The following SYT1 variants were observed in gnomAD, a reference collection of about 807,000 sequenced individuals.
SYT1 encodes the protein synaptotagmin-1.
SYT1 carries 8 observed loss-of-function variants against 44.8 expected under a neutral mutation model. The observed-to-expected ratio is 0.18, with a 90% confidence interval of 0.10 to 0.32. SYT1 has a LOEUF of 0.32. Among genes scored for constraint, SYT1 ranks in the 10% least tolerant of loss-of-function variants. The pLI is 1.00. For missense variants in SYT1, 286 were observed against 509.3 expected, an observed-to-expected ratio of 0.56 and a Z score of 4.22; for synonymous variants, 154 against 188.8, an observed-to-expected ratio of 0.82 and a Z score of 1.51.
At chr12:79,110,747 G>A (rs1750457578) in intron 3 of SYT1, among the ~76,000 whole-genome samples, 1 of 152,204 alleles carries the variant, frequency 6.6e-6, no homozygotes, top group Non-Finnish European at 1.5e-5. Flanking sequence ...AGCATAAATA[G>A]AAGTGCATGG....
At chr12:79,123,253 C>T (rs1441301107) in intron 3 of SYT1, among the ~76,000 whole-genome samples, 1 of 151,318 alleles carries the variant, frequency 6.6e-6, no homozygotes, top group Non-Finnish European at 1.5e-5. Context: ...ATTACAATTC[C>T]TATCAATGGG....
chr12:78,926,911 T>A (rs1170040449), intron 1 of SYT1, among the ~76,000 whole-genome samples: 1 of 152,150 alleles, frequency 6.6e-6, no homozygotes, highest in Non-Finnish European at 1.5e-5. Flanking sequence ...ATATTTTGAA[T>A]TGAAGGGAAA....
chr12:79,303,589 A>G (rs1346968733), intron 8 of SYT1, among the ~76,000 whole-genome samples: 1 of 152,152 alleles, frequency 6.6e-6, no homozygotes, highest in Non-Finnish European at 1.5e-5. Flanking sequence ...TGATTGCAGA[A>G]TTAAAACAAG....
At chr12:78,976,428 AC>A (rs1868839577) in intron 1 of SYT1, among the ~76,000 whole-genome samples, 1 of 152,204 alleles carries the variant, frequency 6.6e-6, no homozygotes, top group African/African-American at 2.4e-5. Flanking sequence ...CTAAGGACTT[AC>A]GTTTTCCCAA....
chr12:78,899,225 A>G (rs1875526398), intron 1 of SYT1, among the ~76,000 whole-genome samples: 1 of 152,014 alleles, frequency 6.6e-6, no homozygotes, highest in African/African-American at 2.4e-5. Flanking sequence ...ATCATTATGA[A>G]TGTTTTTAGT....
chr12:78,985,904 C>T (rs1373343898), intron 2 of SYT1, among the ~76,000 whole-genome samples: 1 of 151,770 alleles, frequency 6.6e-6, no homozygotes, highest in Non-Finnish European at 1.5e-5. Context: ...TTTTATTTAC[C>T]AACAACTTTG....
intron 4 of SYT1, among the ~76,000 whole-genome samples, chr12:79,262,144 G>A (rs1035115369): frequency 1.3e-5 from 2 of 152,172 alleles, no homozygotes; most frequent in African/African-American, 4.8e-5. Context: ...ATTTGTGATT[G>A]TTGTATATTG....
chr12:79,248,129 T>A (rs73150262), intron 4 of SYT1, among the ~76,000 whole-genome samples: 11,394 of 152,288 alleles, frequency 0.075, 577 homozygotes, highest in Non-Finnish European at 0.11. Context: ...GTAGGTGAAC[T>A]AATCACATAA....
chr12:79,381,150 C>T (rs919593348), intron 9 of SYT1, among the ~76,000 whole-genome samples: 1 of 152,190 alleles, frequency 6.6e-6, no homozygotes, highest in Non-Finnish European at 1.5e-5. Context: ...GAAACATTGG[C>T]AACGAATGGC....
chr12:78,957,016 T>C (rs1184748716), intron 1 of SYT1, among the ~76,000 whole-genome samples: 4 of 152,170 alleles, frequency 2.6e-5, no homozygotes, highest in Non-Finnish European at 4.4e-5. Context: ...ACTAAGGAGA[T>C]AAGGTCAGAA....
chr12:79,389,815 C>T (rs1884579553), intron 9 of SYT1, among the ~76,000 whole-genome samples: 1 of 152,126 alleles, frequency 6.6e-6, no homozygotes, highest in South Asian at 2.1e-4. Flanking sequence ...AGCTCAATTT[C>T]CCAGCTCTGT....
chr12:79,197,399 G>A (rs916335905), intron 3 of SYT1, among the ~76,000 whole-genome samples: 1 of 152,160 alleles, frequency 6.6e-6, no homozygotes, highest in African/African-American at 2.4e-5. Context: ...AATTAGGATG[G>A]ACTAAGAGTG....
intron 8 of SYT1, among the ~76,000 whole-genome samples, chr12:79,315,450 C>A (rs1881035175): frequency 6.6e-6 from 1 of 152,090 alleles, no homozygotes; most frequent in Admixed American, 6.5e-5. Flanking sequence ...CTCCTGGCCT[C>A]AAACAATCCT....
At chr12:79,251,006 C>T (rs982145145) in intron 4 of SYT1, among the ~76,000 whole-genome samples, 4 of 152,100 alleles carry the variant, frequency 2.6e-5, no homozygotes, top group African/African-American at 9.7e-5. Context: ...TACCATGTGA[C>T]AGCATTGTAC....
chr12:79,023,157 T>C (rs1299276119), intron 2 of SYT1, among the ~76,000 whole-genome samples: 1 of 151,652 alleles, frequency 6.6e-6, no homozygotes, highest in Non-Finnish European at 1.5e-5. Flanking sequence ...GGGGCTAGAG[T>C]CTCCACAGGG....
chr12:79,331,860 G>T (rs969530706), intron 8 of SYT1, among the ~76,000 whole-genome samples: 4 of 151,986 alleles, frequency 2.6e-5, no homozygotes, highest in Non-Finnish European at 2.9e-5. Flanking sequence ...AATGATAAAA[G>T]TTATCTGGTG....
intron 1 of SYT1, among the ~76,000 whole-genome samples, chr12:78,874,989 T>C (rs1245811910): frequency 6.6e-6 from 1 of 151,592 alleles, no homozygotes; most frequent in African/African-American, 2.4e-5. Context: ...TTACAAGACT[T>C]GAAGAAATTA....
At chr12:79,356,717 A>G (rs544864752) in intron 9 of SYT1, among the ~76,000 whole-genome samples, 18 of 152,336 alleles carry the variant, frequency 1.2e-4, no homozygotes, top group African/African-American at 4.3e-4. Context: ...GACATTGCAC[A>G]AGTTATTTAT....
intron 3 of SYT1, among the ~76,000 whole-genome samples, chr12:79,139,696 A>G (rs1383638754): frequency 6.6e-6 from 1 of 152,166 alleles, no homozygotes; most frequent in African/African-American, 2.4e-5. Context: ...TCATAGACTA[A>G]GTTGGAGTGC....
Sources: allele counts gnomAD v4.1 joint callset (sites outside exome capture counted in the v4.1 genomes callset), GRCh38; gene constraint gnomAD v4.1.1; transcripts MANE v1.5; gene names NCBI Gene and HGNC (gene_info 2026-07-23, HGNC 2026-07-21).